Variants in STPG2 observed in about 807,000 individuals in gnomAD.
The protein encoded by STPG2 is sperm tail PG-rich repeat containing 2, also known as sperm-tail PG-rich repeat-containing protein 2.
Under a neutral mutation model 54.2 loss-of-function variants are expected in STPG2, and 56 were observed. That is an observed-to-expected ratio of 1.03 (90% confidence interval 0.83 to 1.29). The LOEUF (loss-of-function observed/expected upper bound fraction) is 1.29. Ranked by LOEUF, STPG2 falls within the 50% of genes most tolerant of loss-of-function variation. The pLI, the probability that STPG2 is intolerant of heterozygous loss-of-function variation, is 0.00. For synonymous variants in STPG2, 200 were observed against 181.8 expected (o/e 1.10, Z -0.81); for missense variants, 596 against 544.9 (o/e 1.09, Z -0.93).
At chr4:97,820,035 G>C (rs1728034797) in intron 9 of STPG2, among the ~76,000 whole-genome samples, 1 of 151,884 alleles carries the variant, frequency 6.6e-6, no homozygotes, top group Non-Finnish European at 1.5e-5. Context: ...AGCTCTCAGT[G>C]CCATTTTTCT....
chr4:97,560,306 T>C (rs571069339), intron 10 of STPG2, among the ~76,000 whole-genome samples: 2 of 152,296 alleles, frequency 1.3e-5, no homozygotes, highest in South Asian at 4.1e-4. Context: ...GAAAATCTAA[T>C]GTGCTCTGTC....
At chr4:97,931,221 C>T (rs1287109927) in intron 8 of STPG2, among the ~76,000 whole-genome samples, 1 of 152,060 alleles carries the variant, frequency 6.6e-6, no homozygotes, top group African/African-American at 2.4e-5. Flanking sequence ...CAATACTATG[C>T]TGAATAAAAG....
intron 10 of STPG2, among the ~76,000 whole-genome samples, chr4:97,660,317 A>G (rs1722342984): frequency 6.6e-6 from 1 of 152,152 alleles, no homozygotes; most frequent in Admixed American, 6.5e-5. Context: ...GAATCTTTAT[A>G]TTATATTGAC....
chr4:97,720,011 C>T (rs888095057), intron 9 of STPG2, among the ~76,000 whole-genome samples: 4 of 151,922 alleles, frequency 2.6e-5, no homozygotes, highest in African/African-American at 9.7e-5. Context: ...ATACATCCTT[C>T]ACTCAGTATG....
intron 9 of STPG2, among the ~76,000 whole-genome samples, chr4:97,730,620 C>T (rs1578513939): frequency 6.6e-6 from 1 of 152,218 alleles, no homozygotes; most frequent in Non-Finnish European, 1.5e-5. Flanking sequence ...ATATGTTTTC[C>T]AAATTGCTTA....
intron 4 of STPG2, among the ~76,000 whole-genome samples, chr4:97,449,116 C>A (rs574331249): frequency 1.3e-5 from 2 of 151,862 alleles, no homozygotes; most frequent in Non-Finnish European, 2.9e-5. Context: ...AAGTCATGAA[C>A]TTAATGCATA....
intron 3 of STPG2, among the ~76,000 whole-genome samples, chr4:98,122,718 T>G (rs900651905): frequency 7.8e-6 from 1 of 127,820 alleles, no homozygotes; most frequent in Admixed American, 7.4e-5. Context: ...GAGGAGTCCC[T>G]CCTTTTCATT....
chr4:97,840,431 C>T (rs1216618632), intron 9 of STPG2, among the ~76,000 whole-genome samples: 2 of 151,590 alleles, frequency 1.3e-5, no homozygotes, highest in African/African-American at 4.8e-5. Flanking sequence ...AAGTCTTTTA[C>T]TGAATAAGTA....
intron 4 of STPG2, among the ~76,000 whole-genome samples, chr4:97,492,190 C>G (rs112355193): frequency 0.022 from 3,381 of 151,490 alleles, 81 homozygotes; most frequent in African/African-American, 0.064. Context: ...GGGAAGAGAA[C>G]TCCTTTCCCA....
At chr4:97,711,257 C>A (rs143926781) in intron 10 of STPG2, among the ~76,000 whole-genome samples, 240 of 152,100 alleles carry the variant, frequency 1.6e-3, no homozygotes, top group African/African-American at 5.7e-3. Flanking sequence ...AACTAAAGTA[C>A]CCAACTTATC....
intron 8 of STPG2, among the ~76,000 whole-genome samples, chr4:97,904,302 G>A (rs970074512): frequency 5.3e-5 from 8 of 152,130 alleles, no homozygotes; most frequent in Non-Finnish European, 8.8e-5. Context: ...CCTGACCCCC[G>A]AGCAGCCTAA....
intron 9 of STPG2, among the ~76,000 whole-genome samples, chr4:97,797,686 G>C (rs188409068): frequency 7.9e-5 from 12 of 152,232 alleles, no homozygotes; most frequent in Non-Finnish European, 1.3e-4. Context: ...TTGGTATCAG[G>C]ATGTTGCTGG....
At chr4:97,925,788 G>C (rs1041499190) in intron 8 of STPG2, among the ~76,000 whole-genome samples, 5 of 152,110 alleles carry the variant, frequency 3.3e-5, no homozygotes. Flanking sequence ...AGGCCCAGGG[G>C]ATCTTTATTT....
At chr4:97,997,715 A>G (rs1735288147) in intron 5 of STPG2, among the ~76,000 whole-genome samples, 1 of 152,180 alleles carries the variant, frequency 6.6e-6, no homozygotes, top group Non-Finnish European at 1.5e-5. Flanking sequence ...GCAGCAACAT[A>G]GATGGAGCTG....
intron 5 of STPG2, among the ~76,000 whole-genome samples, chr4:98,073,949 C>T (rs1173056095): frequency 1.3e-5 from 2 of 152,118 alleles, no homozygotes; most frequent in Non-Finnish European, 2.9e-5. Flanking sequence ...TGGCAAATCT[C>T]TTTCAAACTA....
chr4:97,750,704 TG>T (rs1560513902), intron 9 of STPG2, among the ~76,000 whole-genome samples: 1 of 151,628 alleles, frequency 6.6e-6, no homozygotes, highest in Non-Finnish European at 1.5e-5. Context: ...TTTTAGGTGG[TG>T]ATCCCTGAAA....
chr4:97,559,419 A>G (rs761173621), intron 10 of STPG2, among the ~76,000 whole-genome samples: 2 of 152,158 alleles, frequency 1.3e-5, no homozygotes, highest in Non-Finnish European at 2.9e-5. Flanking sequence ...AGGCCCACAC[A>G]TGTAGCAAAC....
intron 9 of STPG2, among the ~76,000 whole-genome samples, chr4:97,801,491 C>T (rs28590002): frequency 0.26 from 40,221 of 152,052 alleles, 5,754 homozygotes; most frequent in Middle Eastern, 0.36. Context: ...ATTTGAAGAA[C>T]TTGCACAACG....
intron 9 of STPG2, among the ~76,000 whole-genome samples, chr4:97,756,512 G>T (rs1479776505): frequency 3.9e-5 from 6 of 151,940 alleles, no homozygotes. Flanking sequence ...TTTTAGTAGA[G>T]ATGGGGTTGC....
Sources: gnomAD v4.1 joint callset for allele counts (sites outside exome capture counted in the v4.1 genomes callset) on GRCh38, gnomAD v4.1.1 for gene constraint, MANE v1.5 for transcripts, NCBI Gene and HGNC (gene_info 2026-07-23, HGNC 2026-07-21) for gene names.